RPS6KC1: variants seen among roughly 807,000 people sequenced by gnomAD.
RPS6KC1 encodes ribosomal protein S6 kinase C1.
A neutral mutation model predicts 103.8 loss-of-function variants in RPS6KC1; 54 were observed. That is an observed-to-expected ratio of 0.52 (90% CI 0.42 to 0.65). RPS6KC1 has a LOEUF of 0.65. Among genes scored for constraint, RPS6KC1 ranks in the 30% least tolerant of loss-of-function variants. The pLI, the probability that RPS6KC1 is intolerant of heterozygous loss-of-function variation, is 0.00. For missense variants in RPS6KC1, 1,151 were observed against 1,253.8 expected (o/e 0.92, Z 1.24); for synonymous variants, 439 against 438.7 (o/e 1.00, Z -0.01).
chr1:213,691,771 C>T, the RPS6KC1 span, among the ~76,000 whole-genome samples: 1 of 152,026 alleles, frequency 6.6e-6, no homozygotes, highest in South Asian at 2.1e-4. Flanking sequence ...AAAGCATGCA[C>T]GGGAAGGAAT....
intron 3 of RPS6KC1, among the ~76,000 whole-genome samples, chr1:213,095,458 C>A (rs899213250): frequency 1.3e-5 from 2 of 152,244 alleles, no homozygotes; most frequent in African/African-American, 4.8e-5. Flanking sequence ...AGGGAAGATA[C>A]CAAAGACAGC....
chr1:213,344,858 T>C, the RPS6KC1 span, among the ~76,000 whole-genome samples: 1 of 152,204 alleles, frequency 6.6e-6, no homozygotes, highest in Non-Finnish European at 1.5e-5. Flanking sequence ...ATACCCCAAC[T>C]AGAATGTATT....
intron 5 of RPS6KC1, among the ~76,000 whole-genome samples, chr1:213,127,689 G>C (rs1321948247): frequency 6.6e-6 from 1 of 152,140 alleles, no homozygotes; most frequent in East Asian, 1.9e-4. Flanking sequence ...CATAAAATTG[G>C]AGTTTTCAAT....
At chr1:213,402,534 A>G in the RPS6KC1 span, among the ~76,000 whole-genome samples, 1 of 152,188 alleles carries the variant, frequency 6.6e-6, no homozygotes, top group Non-Finnish European at 1.5e-5. Flanking sequence ...TAATGAGGAG[A>G]ACTGAGATCT....
At chr1:213,151,336 G>A (rs1312452499) in intron 6 of RPS6KC1, among the ~76,000 whole-genome samples, 6 of 120,900 alleles carry the variant, frequency 5.0e-5, no homozygotes, top group East Asian at 5.3e-4. Flanking sequence ...GCGGCTGGCC[G>A]GGCGGGGGGC....
the RPS6KC1 span, among the ~76,000 whole-genome samples, chr1:213,844,909 A>T: frequency 6.6e-6 from 1 of 152,106 alleles, no homozygotes; most frequent in African/African-American, 2.4e-5. Context: ...CCAGCTGCAC[A>T]AAACACCTCA....
At chr1:213,356,440 A>T in the RPS6KC1 span, among the ~76,000 whole-genome samples, 7 of 152,044 alleles carry the variant, frequency 4.6e-5, no homozygotes, top group Non-Finnish European at 8.8e-5. Flanking sequence ...AGATCACCTG[A>T]GGTCAGGAGT....
chr1:213,534,638 A>G, the RPS6KC1 span, among the ~76,000 whole-genome samples: 3 of 152,246 alleles, frequency 2.0e-5, no homozygotes, highest in Non-Finnish European at 2.9e-5. Context: ...TCCCATGGAA[A>G]TATGAACTGA....
At chr1:213,147,955 A>C (rs1393695190) in intron 6 of RPS6KC1, among the ~76,000 whole-genome samples, 1 of 151,552 alleles carries the variant, frequency 6.6e-6, no homozygotes, top group East Asian at 1.9e-4. Context: ...TTTATTTGTG[A>C]CTGTTGTAAA....
chr1:213,059,923 G>A (rs1052039216), intron 1 of RPS6KC1, among the ~76,000 whole-genome samples: 2 of 151,932 alleles, frequency 1.3e-5, no homozygotes, highest in African/African-American at 2.4e-5. Flanking sequence ...TGCCTGCCTC[G>A]GCCTCCCAAA....
chr1:213,112,491 A>G (rs566440671), intron 4 of RPS6KC1, among the ~76,000 whole-genome samples: 2 of 151,878 alleles, frequency 1.3e-5, no homozygotes, highest in Admixed American at 1.3e-4. Flanking sequence ...CTCTACTAAA[A>G]GTACCTTAAT....
intron 6 of RPS6KC1, among the ~76,000 whole-genome samples, chr1:213,141,343 TTGGGA>T (rs1467054755): frequency 6.6e-6 from 1 of 152,126 alleles, no homozygotes; most frequent in Non-Finnish European, 1.5e-5. Context: ...TGGTTCAGTC[TTGGGA>T]GGTGGTATGT....
chr1:213,129,931 T>TG (rs1558380370), intron 6 of RPS6KC1, 42 bp downstream of exon 6: 4 of 1,528,458 alleles, frequency 2.6e-6, no homozygotes, highest in Non-Finnish European at 3.5e-6. Context: ...GCTCTTTTGT[T>TG]GGTATGTGGG....
the RPS6KC1 span, among the ~76,000 whole-genome samples, chr1:213,858,427 G>A: frequency 0.29 from 43,900 of 151,916 alleles, 7,131 homozygotes; most frequent in East Asian, 0.49. Flanking sequence ...TCACATGTTG[G>A]GGGGGCGGTG....
the RPS6KC1 span, among the ~76,000 whole-genome samples, chr1:213,754,990 G>A: frequency 1.3e-5 from 2 of 152,176 alleles, no homozygotes; most frequent in Admixed American, 6.5e-5. Flanking sequence ...TGCAAAGAAT[G>A]TATTAATTCT....
At chr1:213,718,590 G>T in the RPS6KC1 span, among the ~76,000 whole-genome samples, 3 of 152,338 alleles carry the variant, frequency 2.0e-5, no homozygotes, top group Non-Finnish European at 4.4e-5. Context: ...GTCGTTGGGA[G>T]GCAATGGCTG....
the RPS6KC1 span, among the ~76,000 whole-genome samples, chr1:213,400,730 A>C: frequency 6.7e-6 from 1 of 150,126 alleles, no homozygotes; most frequent in African/African-American, 2.5e-5. Flanking sequence ...TTTTTGAGAC[A>C]GAGTCTCGCT....
the RPS6KC1 span, among the ~76,000 whole-genome samples, chr1:213,637,624 GTTTA>G: frequency 6.6e-6 from 1 of 152,018 alleles, no homozygotes; most frequent in African/African-American, 2.4e-5. Flanking sequence ...GAAATGATAA[GTTTA>G]TATTTAACTG....
chr1:213,242,620 G>A lies in RPS6KC1; in HGVS notation c.2873G>A (p.Cys958Tyr), dbSNP rs745874632. The change falls in exon 12 of 15, where the codon TGT becomes TAT. Residue 958 changes from cysteine (C) to tyrosine (Y), a missense_variant. By Grantham distance (194) the Cys-to-Tyr change is radical (BLOSUM62 -2). This residue lies in a region of RPS6KC1 where 189 missense variants were observed against 228.8 expected (regional missense o/e 0.83). Transcript: ENST00000366960. ...AGGTGGAGTGAGGTTGAAGATTCCT[G>A]TGACAGCGATGCCATAGAGAGAATG... ...FSRWSEVEDSCDSDAIERMYC... is the reference protein window; with the variant it reads ...FSRWSEVEDSYDSDAIERMYC... The A allele has an allele frequency of 6.2e-7, 1 of 1,612,944 alleles. No homozygotes were observed. The highest frequency in any genetic ancestry group is 8.5e-7 in the Non-Finnish European group (1 of 1,179,382).
Sources: allele counts gnomAD v4.1 joint callset (sites outside exome capture counted in the v4.1 genomes callset), GRCh38; gene constraint gnomAD v4.1.1; regional missense constraint gnomAD v4.1.1; transcripts MANE v1.5; gene names NCBI Gene and HGNC (gene_info 2026-07-23, HGNC 2026-07-21).